PAX2: variants seen among roughly 807,000 people sequenced by gnomAD.
The protein encoded by PAX2 is paired box 2.
Under a neutral mutation model 41.7 loss-of-function variants are expected in PAX2, and 9 were observed. The ratio of observed to expected loss-of-function variants is 0.22; its 90% confidence interval spans 0.13 to 0.38. PAX2 has a LOEUF of 0.38. Ranked by LOEUF, PAX2 falls within the 10% of genes least tolerant of loss-of-function variation. PAX2 has a pLI of 1.00. For synonymous variants in PAX2, 221 were observed against 212.7 expected, an observed-to-expected ratio of 1.04 and a Z score of -0.34; for missense variants, 418 against 531.6, an observed-to-expected ratio of 0.79 and a Z score of 2.10.
intron 7 of PAX2, among the ~76,000 whole-genome samples, chr10:100,813,124 T>G (rs1406629735): frequency 6.6e-6 from 1 of 152,260 alleles, no homozygotes; most frequent in Non-Finnish European, 1.5e-5. Flanking sequence ...ACGTGGCCTG[T>G]GGGCTGTGGA....
chr10:100,829,405 C>T lies in PAX2; in HGVS notation c.*1786C>T, dbSNP rs1485211057. On this transcript the variant is annotated 3_prime_UTR_variant, in exon 10 of 10. Transcript: ENST00000355243. The stretch of plus-strand genomic sequence containing the variant: ...GCAGCTCCAGCCCCCGGGCTCGCCC[C>T]CTCGCGGGCGTGCCCCGCGCGCCCC... 4.8e-6 allele frequency: 1 copy of T among 206,464 alleles called. No homozygotes were observed. The highest frequency in any genetic ancestry group is 2.3e-5 in the African/African-American group (1 of 43,824). The allele number at this position is 206,464 out of a possible 1,614,324, so 12.8% of individuals were successfully genotyped here. A position where few individuals can be genotyped will look rare whatever the true frequency, so the allele number is the denominator to read the frequency against.
At chr10:100,825,017 C>G (rs1213595096) in intron 8 of PAX2, 2 of 1,562,636 alleles carry the variant, frequency 1.3e-6, no homozygotes, top group Non-Finnish European at 1.8e-6. Flanking sequence ...CGCCCACCCA[C>G]CCAAGTCTGT....
intron 5 of PAX2, among the ~76,000 whole-genome samples, chr10:100,797,190 C>T (rs1305000103): frequency 3.3e-5 from 5 of 152,238 alleles, no homozygotes; most frequent in Non-Finnish European, 7.3e-5. Flanking sequence ...GGGACCCCTG[C>T]CTTCAAAATT....
At chr10:100,749,349 G>A (rs1012082680) in intron 1 of PAX2, 39 of 1,016,204 alleles carry the variant, frequency 3.8e-5, no homozygotes, top group Non-Finnish European at 4.3e-5. Flanking sequence ...CGGCGCAGGC[G>A]GGATGCTGCT....
chr10:100,827,584 C>CCTGCCGCTG lies in PAX2; in HGVS notation c.1161_1169dup (p.Ala388_Ala390dup), dbSNP rs756325063. The stretch of plus-strand genomic sequence containing the variant: ...TAGTGCCGCCCCCCGGGGCTCCGCC[C>CCTGCCGCTG]CTGCCGCTGCTGCCGCTGCCTATGA... On this transcript the variant is annotated inframe_insertion, in exon 10 of 10. Transcript: ENST00000355243. This position sits in a 1 kb window ranked among gnomAD's most constrained non-coding sequence, Gnocchi z 8.5. 1 of 1,613,980 alleles carries CCTGCCGCTG rather than the reference C, an allele frequency of 6.2e-7. No homozygotes were observed.
At chr10:100,794,167 G>A (rs547009693) in intron 5 of PAX2, among the ~76,000 whole-genome samples, 87 of 152,312 alleles carry the variant, frequency 5.7e-4, no homozygotes, top group African/African-American at 1.8e-3. Flanking sequence ...CTGCCTGAAA[G>A]GCCACAGCCC....
rs990795542 is a variant in PAX2, at chr10:100,826,435, G to A, written c.1022-574G>A. Among the ~76,000 whole-genome samples, 8 of 152,180 alleles carry A rather than the reference G, an allele frequency of 5.3e-5. No individual in the cohort carries two copies. The highest frequency in any genetic ancestry group is 8.8e-5 in the Non-Finnish European group (6 of 68,020). On this transcript the variant is annotated intron_variant, in intron 8 of 9. Coordinates refer to ENST00000355243, the MANE Select transcript of PAX2 (RefSeq NM_000278.5). The surrounding 1 kb of genome is among the most constrained non-coding windows in gnomAD (Gnocchi z 5.5). Reference sequence around the variant, plus strand: ...GCGGACCAGCGGGCAGTCCACCTGCGCCGCCTCCATCCCCTGCCGCGTAGC... The same window carrying A: ...GCGGACCAGCGGGCAGTCCACCTGCACCGCCTCCATCCCCTGCCGCGTAGC...
chr10:100,764,028 A>G (rs768766228), intron 3 of PAX2, among the ~76,000 whole-genome samples: 1 of 152,314 alleles, frequency 6.6e-6, no homozygotes, highest in Non-Finnish European at 1.5e-5. Context: ...TAAGTGCTCA[A>G]TAAATGCTAG....
rs1589808379 is a variant in PAX2, at chr10:100,747,727, G to A, written c.43+1424G>A. 5.1e-6 allele frequency: 5 copies of A among 984,818 alleles called. No individual in the cohort carries two copies. In the African/African-American group the frequency reaches 8.7e-5, roughly 17 times the overall value. 61.0% of individuals were successfully genotyped at this position (984,818 alleles called of 1,614,324 possible). On this transcript the variant is annotated intron_variant, in intron 1 of 9. Coordinates refer to ENST00000355243, the MANE Select transcript of PAX2 (RefSeq NM_000278.5). ...ATATTTTTCTAAGTAATTTCCAAGC[G>A]CAGGAAAGCCGCGCCGAGGGCATCA...
intron 1 of PAX2, among the ~76,000 whole-genome samples, chr10:100,735,940 T>G (rs10883537): frequency 2.0e-5 from 3 of 152,184 alleles, no homozygotes; most frequent in African/African-American, 7.2e-5. Context: ...CTGAAAACTT[T>G]CCACTCAGAA....
Position 100,796,131 on chromosome 10 carries a change from C to T in PAX2, c.617-10299C>T, listed in dbSNP as rs191343363. ...AGGAAAAAAAGTGACTTCTATGATC[C>T]TAAGTGCAATACATGCTCATTGGGA... is the stretch of plus-strand genomic sequence containing the variant. On this transcript the variant is annotated intron_variant, in intron 5 of 9. Transcript: ENST00000355243. 1.2e-4 allele frequency among the ~76,000 whole-genome samples: 18 copies of T among 152,288 alleles called. 1 individual carries two copies. In the East Asian group the frequency reaches 3.5e-3, roughly 29 times the overall value.
chr10:100,818,575 G>T (rs939728990), intron 7 of PAX2, among the ~76,000 whole-genome samples: 3 of 152,172 alleles, frequency 2.0e-5, no homozygotes, highest in Non-Finnish European at 4.4e-5. Context: ...TACACAGAAA[G>T]ATACAGATAT....
At chr10:100,800,775 C>T (rs1339675609) in intron 5 of PAX2, among the ~76,000 whole-genome samples, 1 of 152,076 alleles carries the variant, frequency 6.6e-6, no homozygotes, top group Non-Finnish European at 1.5e-5. Context: ...GAGATAGGGC[C>T]CAGCTCCAGG....
At chr10:100,759,266 A>T (rs369012007) in intron 3 of PAX2, among the ~76,000 whole-genome samples, 9 of 151,974 alleles carry the variant, frequency 5.9e-5, no homozygotes, top group Non-Finnish European at 1.3e-4. Context: ...GGGGAAGAGG[A>T]AGGTAAGCAG....
intron 3 of PAX2, among the ~76,000 whole-genome samples, chr10:100,769,378 A>T (rs1300533345): frequency 6.6e-6 from 1 of 152,160 alleles, no homozygotes; most frequent in Non-Finnish European, 1.5e-5. Flanking sequence ...CTGTAATCCC[A>T]GCACTTTGGG....
intron 5 of PAX2, among the ~76,000 whole-genome samples, chr10:100,792,842 T>A (rs1469619131): frequency 6.6e-6 from 1 of 152,140 alleles, no homozygotes; most frequent in Non-Finnish European, 1.5e-5. Context: ...CCTGGCGGTG[T>A]GGCAGTGTCA....
In PAX2 at chr10:100,748,363, GTCTC is replaced by G. The variant is rs1845287115; in HGVS notation, c.44-1380_44-1377del. On this transcript the variant is annotated intron_variant, in intron 1 of 9. Coordinates refer to ENST00000355243, the MANE Select transcript of PAX2 (RefSeq NM_000278.5). This position sits in a 1 kb window ranked among gnomAD's most constrained non-coding sequence, Gnocchi z 5.0. ...CAAGGGGGTAAAAGAAGGGGCTTCA[GTCTC>G]TCCCAGCAACGCGATCAGAGGTCTT... is the stretch of plus-strand genomic sequence containing the variant. The G allele has an allele frequency of 1.0e-6, 1 of 984,482 alleles. No individual in the cohort carries two copies. Among genetic ancestry groups the G allele is most frequent in the African/African-American group, 1.8e-5 (1 of 57,128 alleles). The allele number at this position is 984,482 out of a possible 1,614,324, so 61.0% of individuals were successfully genotyped here. A position where few individuals can be genotyped will look rare whatever the true frequency, so the allele number is the denominator to read the frequency against.
At chr10:100,809,329 C>A in intron 7 of PAX2, 93 bp downstream of exon 7, 1 of 1,215,570 alleles carries the variant, frequency 8.2e-7, no homozygotes, top group Non-Finnish European at 1.2e-6. Flanking sequence ...AGCAGGTCCC[C>A]CACCGTGATA....
chr10:100,814,617 C>T (rs2133966719), intron 7 of PAX2, among the ~76,000 whole-genome samples: 1 of 152,310 alleles, frequency 6.6e-6, no homozygotes, highest in East Asian at 1.9e-4. Flanking sequence ...AGCAGAAAAT[C>T]TTATATTTTC....
Sources: allele counts gnomAD v4.1 joint callset (sites outside exome capture counted in the v4.1 genomes callset), GRCh38; gene constraint gnomAD v4.1.1; non-coding constraint Gnocchi (gnomAD v3.1); transcripts MANE v1.5; gene names NCBI Gene and HGNC (gene_info 2026-07-23, HGNC 2026-07-21).